Variants in ABCB8 observed in about 807,000 individuals in gnomAD.
The protein encoded by ABCB8 is ATP binding cassette subfamily B member 8, also known as mitochondrial potassium channel ATP-binding subunit.
In ABCB8, 52 loss-of-function variants were observed where a neutral mutation model predicts 73.0. That is an observed-to-expected ratio of 0.71 (90% confidence interval 0.57 to 0.90). ABCB8 has a LOEUF of 0.90. Ranked by LOEUF, ABCB8 falls within the 40% of genes least tolerant of loss-of-function variation. The pLI is 0.00. For synonymous variants in ABCB8, 428 were observed against 423.5 expected (o/e 1.01, Z -0.13); for missense variants, 909 against 974.6 (o/e 0.93, Z 0.90).
At chr7:151,044,940 G>T (rs779096218) in intron 15 of ABCB8, among the ~76,000 whole-genome samples, 1 of 152,224 alleles carries the variant, frequency 6.6e-6, no homozygotes, top group Non-Finnish European at 1.5e-5. Context: ...CAGGGAGACG[G>T]ATCCTGAGTT....
intron 1 of ABCB8, among the ~76,000 whole-genome samples, chr7:151,032,638 G>A (rs567598668): frequency 7.9e-5 from 12 of 151,788 alleles, no homozygotes; most frequent in African/African-American, 2.7e-4. Flanking sequence ...AGGTTGCAGT[G>A]AGCCGAGATT....
At chr7:151,032,415 G>A (rs1331480111) in intron 1 of ABCB8, among the ~76,000 whole-genome samples, 1 of 152,218 alleles carries the variant, frequency 6.6e-6, no homozygotes, top group Non-Finnish European at 1.5e-5. Context: ...TGTAGAATAG[G>A]CCAGGCACGG....
chr7:151,034,007 G>C, intron 2 of ABCB8, 90 bp downstream of exon 2: 1 of 1,437,096 alleles, frequency 7.0e-7, no homozygotes, highest in Non-Finnish European at 9.3e-7. Context: ...CCTCTCAGGG[G>C]AGAGCTCAGG....
chr7:151,042,511 C>A (rs1796495751), intron 14 of ABCB8, among the ~76,000 whole-genome samples: 1 of 152,216 alleles, frequency 6.6e-6, no homozygotes, highest in Non-Finnish European at 1.5e-5. Context: ...CATCCATCCC[C>A]CTCTGGCTCC....
At chr7:151,028,850 G>T in intron 1 of ABCB8, 1 of 1,545,918 alleles carries the variant, frequency 6.5e-7, no homozygotes, top group East Asian at 2.4e-5. Context: ...GGGGACGCTC[G>T]GGGTCAGTGA....
In ABCB8 at chr7:151,041,084, A is replaced by G; in HGVS notation, c.1484-15A>G. 1 of 1,613,520 alleles carries G rather than the reference A, an allele frequency of 6.2e-7. No homozygotes were observed. The highest frequency in any genetic ancestry group is 8.5e-7 in the Non-Finnish European group (1 of 1,179,922). ...AGAATCCCTGGCCTCCCTCCCTCTC[A>G]ACCCAATTCCCCAGGAAAGACCACC... On this transcript the variant is annotated splice_polypyrimidine_tract_variant and intron_variant, in intron 12 of 15. Transcript: ENST00000358849.
chr7:151,029,250 G>C (rs1796072793), intron 1 of ABCB8: 1 of 172,792 alleles, frequency 5.8e-6, no homozygotes, highest in Admixed American at 5.5e-5. Context: ...GCAGTGAGCT[G>C]AGATCATGGC....
intron 9 of ABCB8, chr7:151,037,713 C>T (rs1796349022): frequency 3.2e-6 from 1 of 313,462 alleles, no homozygotes; most frequent in African/African-American, 2.2e-5. Context: ...GTGTCCTCGC[C>T]CTGCTGCATG....
intron 13 of ABCB8, among the ~76,000 whole-genome samples, chr7:151,041,621 C>T (rs540166993): frequency 1.3e-5 from 2 of 152,174 alleles, no homozygotes; most frequent in African/African-American, 4.8e-5. Context: ...CTTTGAGGGC[C>T]GTGAATGAAG....
intron 9 of ABCB8, chr7:151,036,850 C>T (rs769839568): frequency 8.7e-5 from 66 of 757,578 alleles, no homozygotes; most frequent in African/African-American, 4.4e-4. Context: ...GGGGCAGTGG[C>T]GCTGCAGCAG....
At chr7:151,033,443 A>G in intron 1 of ABCB8, 162 bp from the exon 2 acceptor site, 1 of 1,408,282 alleles carries the variant, frequency 7.1e-7, no homozygotes, top group Non-Finnish European at 9.2e-7. Context: ...CATGTCTTAG[A>G]AACTGAAGTT....
chr7:151,042,870 G>A (rs985612056), intron 14 of ABCB8, among the ~76,000 whole-genome samples: 1 of 152,218 alleles, frequency 6.6e-6, no homozygotes, highest in Non-Finnish European at 1.5e-5. Context: ...CTCCAGCCGT[G>A]TTGATACACT....
In ABCB8 at chr7:151,040,537, T is replaced by TG; in HGVS notation, c.1291_1292insG (p.Tyr431Ter). The TG allele has an allele frequency of 6.2e-7, 1 of 1,613,192 alleles. No individual in the cohort carries two copies. Among genetic ancestry groups the TG allele is most frequent in the Non-Finnish European group, 8.5e-7 (1 of 1,179,776 alleles). ...GLSAGARVFEYMALNPCIPLS... is the reference protein window; with the variant it reads ...GLSAGARVFE ...GAGTGCAGGTGCCCGGGTCTTTGAG[T>TG]ACATGGCCCTGAACCCCTGCATCCC... Residue 431 changes from tyrosine (Y) to a stop codon, truncating the protein, a stop_gained and frameshift_variant, in exon 11 of 16, where the codon TAC becomes TGAC. Transcript: ENST00000358849. LOFTEE classifies it high-confidence loss of function.
At position 151,044,073 on chromosome 7, in the gene ABCB8, G is replaced by A; in HGVS notation, c.1868G>A (p.Ser623Asn). The A allele has an allele frequency of 6.2e-7, 1 of 1,613,762 alleles. No individual in the cohort carries two copies. The highest frequency in any genetic ancestry group is 8.5e-7 in the Non-Finnish European group (1 of 1,179,980). ...GTGCTGATACTGGATGAAGCTACCA[G>A]CGCGCTGGATGCAGAGTCCGAGCGG... The part of the protein sequence containing the change: ...PTVLILDEAT[S>N]ALDAESERVV... The change falls in exon 15 of 16, where the codon AGC (serine) becomes AAC (asparagine). Residue 623 changes from serine to asparagine, a missense_variant. Ser to Asn is a conservative substitution (Grantham distance 46). Transcript: ENST00000358849.
intron 14 of ABCB8, among the ~76,000 whole-genome samples, chr7:151,042,363 G>A (rs1475272194): frequency 6.6e-6 from 1 of 152,192 alleles, no homozygotes; most frequent in Non-Finnish European, 1.5e-5. Flanking sequence ...GGAGGAGCTG[G>A]AGAATGCGAC....
chr7:151,037,499 C>G (rs61218626), intron 9 of ABCB8: 90,952 of 601,140 alleles, frequency 0.15, 7,451 homozygotes, highest in East Asian at 0.26. Context: ...GGGCCTCCCC[C>G]CTCCTATCTC....
chr7:151,031,430 G>A (rs1005718499), intron 1 of ABCB8: 7 of 1,171,446 alleles, frequency 6.0e-6, no homozygotes, highest in Non-Finnish European at 5.8e-6. Flanking sequence ...GGAAGGATGA[G>A]ATGAAGACTG....
In ABCB8 at chr7:151,040,914, C is replaced by G. The variant is rs1010326210; in HGVS notation, c.1475C>G (p.Ser492Cys). ...PGKIVALVGQSGGGKTTVASL... is the reference protein window; with the variant it reads ...PGKIVALVGQCGGGKTTVASL... ...AAGATCGTGGCCCTCGTGGGCCAGT[C>G]TGGCGGAGGTAAGGGGAGCCCACCA... is the stretch of plus-strand genomic sequence containing the variant. Residue 492 changes from serine to cysteine, a missense_variant, in exon 12 of 16, where the codon TCT (serine) becomes TGT (cysteine). By Grantham distance (112) the Ser-to-Cys change is moderately radical. Transcript: ENST00000358849. 6.2e-7 allele frequency: 1 copy of G among 1,604,322 alleles called. No homozygotes were observed. The highest frequency in any genetic ancestry group is 1.3e-5 in the African/African-American group (1 of 74,894).
intron 9 of ABCB8, chr7:151,037,444 T>C (rs1796340887): frequency 1.5e-6 from 1 of 659,966 alleles, no homozygotes; most frequent in Non-Finnish European, 2.8e-6. Context: ...CCCGCTCAGC[T>C]GAGCCTCTGG....
Sources: gnomAD v4.1 joint callset for allele counts (sites outside exome capture counted in the v4.1 genomes callset) on GRCh38, gnomAD v4.1.1 for gene constraint, MANE v1.5 for transcripts, NCBI Gene and HGNC (gene_info 2026-07-23, HGNC 2026-07-21) for gene names.